Variants in FAM120B observed in about 807,000 individuals in gnomAD.
The protein encoded by FAM120B is family with sequence similarity 120 member B.
A neutral mutation model predicts 96.3 loss-of-function variants in FAM120B; 83 were observed. The ratio of observed to expected loss-of-function variants is 0.86; its 90% CI spans 0.72 to 1.03. FAM120B has a LOEUF of 1.03. FAM120B is among the 50% of genes least tolerant of loss of function. FAM120B has a pLI of 0.00. For synonymous variants in FAM120B, 407 were observed against 402.7 expected (o/e 1.01, Z -0.13); for missense variants, 1,027 against 1,121.2 (o/e 0.92, Z 1.20).
At chr6:170,320,329 G>A (rs545372265) in intron 2 of FAM120B, among the ~76,000 whole-genome samples, 12 of 152,224 alleles carry the variant, frequency 7.9e-5, no homozygotes, top group Middle Eastern at 3.4e-3. Flanking sequence ...ACCAGCATTC[G>A]ATTTTTTTTA....
chr6:170,330,133 G>A (rs1233373749), intron 3 of FAM120B, among the ~76,000 whole-genome samples: 2 of 152,176 alleles, frequency 1.3e-5, no homozygotes, highest in Non-Finnish European at 1.5e-5. Context: ...CTGGAACAGT[G>A]TGAGGGAGGT....
intron 1 of FAM120B, among the ~76,000 whole-genome samples, chr6:170,307,821 G>T (rs770141652): frequency 6.6e-6 from 1 of 152,164 alleles, no homozygotes; most frequent in Admixed American, 6.5e-5. Flanking sequence ...TGGAAACCCC[G>T]AAATGGTAGT....
intron 4 of FAM120B, 32 bp downstream of exon 4, chr6:170,330,582 G>A (rs202007427): frequency 5.4e-6 from 8 of 1,484,884 alleles, no homozygotes; most frequent in East Asian, 4.5e-5. Context: ...ATGAACCACA[G>A]ATCTTTCCAT....
chr6:170,330,999 G>A (rs1188508464), intron 4 of FAM120B, among the ~76,000 whole-genome samples: 1 of 152,252 alleles, frequency 6.6e-6, no homozygotes, highest in African/African-American at 2.4e-5. Flanking sequence ...ATGAGTTCTG[G>A]CACCAGAAAG....
At position 170,318,754 on chromosome 6, in the gene FAM120B, C is replaced by T. The variant is rs137909655; in HGVS notation, c.1364C>T (p.Ser455Phe). 56 of 1,612,942 alleles carry T rather than the reference C, an allele frequency of 3.5e-5. 1 individual carries two copies. The African/African-American group carries it at 7.0e-4, about 20-fold the overall frequency. Residue 455 changes from serine (S) to phenylalanine (F), a missense_variant, in exon 2 of 11, where the codon TCT (serine) becomes TTT (phenylalanine). Ser to Phe is a radical substitution (Grantham distance 155, BLOSUM62 -2). Coordinates refer to ENST00000476287, the MANE Select transcript of FAM120B (RefSeq NM_032448.3). The part of the protein sequence containing the change: ...PRQEVPMYTG[S>F]EPRQEVPMYT... ...CAAGAAGTTCCCATGTATACAGGCT[C>T]TGAACCCAGGCAAGAAGTTCCCATG... is the stretch of plus-strand genomic sequence containing the variant.
intron 5 of FAM120B, among the ~76,000 whole-genome samples, chr6:170,356,029 T>G (rs1336139846): frequency 6.6e-6 from 1 of 152,186 alleles, no homozygotes; most frequent in Non-Finnish European, 1.5e-5. Flanking sequence ...TGATCCTGTG[T>G]GTGGTCACGC....
chr6:170,358,399 T>C, intron 6 of FAM120B, 81 bp downstream of exon 6: 1 of 1,033,314 alleles, frequency 9.7e-7, no homozygotes, highest in Non-Finnish European at 1.5e-6. Context: ...ATAGTTGAAG[T>C]TTCACAGAAA....
intron 4 of FAM120B, among the ~76,000 whole-genome samples, chr6:170,334,992 A>G (rs536026288): frequency 1.3e-5 from 2 of 150,544 alleles, no homozygotes; most frequent in African/African-American, 4.9e-5. Context: ...AATTTTGTTC[A>G]TCTAAAGATT....
intron 1 of FAM120B, chr6:170,298,489 C>A (rs996127375): frequency 6.6e-6 from 1 of 151,388 alleles, no homozygotes; most frequent in Non-Finnish European, 1.5e-5. Context: ...GGATCACCAT[C>A]AAGATTTGTT....
At chr6:170,296,405 C>A (rs2114975219) in intron 1 of FAM120B, among the ~76,000 whole-genome samples, 1 of 152,110 alleles carries the variant, frequency 6.6e-6, no homozygotes, top group East Asian at 1.9e-4. Context: ...AGGGCACAGG[C>A]GGCGCGGCCG....
At chr6:170,313,714 C>T (rs1227786689) in intron 1 of FAM120B, among the ~76,000 whole-genome samples, 1 of 152,210 alleles carries the variant, frequency 6.6e-6, no homozygotes, top group African/African-American at 2.4e-5. Context: ...AGCTTGAGCT[C>T]CTCTAGTGCT....
intron 7 of FAM120B, among the ~76,000 whole-genome samples, chr6:170,389,726 A>T (rs577629145): frequency 6.6e-6 from 1 of 151,922 alleles, no homozygotes; most frequent in East Asian, 1.9e-4. Context: ...TGCCCAGCTA[A>T]TTTTTGTATT....
intron 1 of FAM120B, among the ~76,000 whole-genome samples, chr6:170,315,925 GGAA>G (rs1452813742): frequency 6.9e-6 from 1 of 145,650 alleles, no homozygotes. Context: ...TGTCTCCACT[GGAA>G]AAAAAAAAAA....
chr6:170,396,513 G>C (rs992368041), intron 9 of FAM120B, among the ~76,000 whole-genome samples: 27 of 152,186 alleles, frequency 1.8e-4, no homozygotes, highest in African/African-American at 6.5e-4. Flanking sequence ...CTTTGAGAGA[G>C]CTCCAGGAAT....
chr6:170,386,579 A>G (rs567080066), intron 6 of FAM120B, among the ~76,000 whole-genome samples: 1 of 152,366 alleles, frequency 6.6e-6, no homozygotes, highest in South Asian at 2.1e-4. Context: ...GAATGGTTCC[A>G]TGTCTACTGA....
intron 6 of FAM120B, among the ~76,000 whole-genome samples, chr6:170,366,412 G>A (rs2115228368): frequency 6.6e-6 from 1 of 152,328 alleles, no homozygotes; most frequent in South Asian, 2.1e-4. Flanking sequence ...GCCGGGAAGG[G>A]GAATGGCAAG....
intron 4 of FAM120B, among the ~76,000 whole-genome samples, chr6:170,341,962 A>G (rs1786869239): frequency 6.6e-6 from 1 of 152,168 alleles, no homozygotes; most frequent in African/African-American, 2.4e-5. Context: ...CAGTTCATGG[A>G]TTGATTACGA....
At chr6:170,303,763 T>C (rs1784191644), upstream of FAM120B, among the ~76,000 whole-genome samples, 1 of 152,240 alleles carries the variant, frequency 6.6e-6, no homozygotes, top group South Asian at 2.1e-4. Flanking sequence ...TCAGCAATTA[T>C]CTTGTTATAA....
intron 4 of FAM120B, among the ~76,000 whole-genome samples, chr6:170,333,316 A>G (rs999792477): frequency 3.9e-5 from 6 of 152,110 alleles, no homozygotes; most frequent in Non-Finnish European, 7.3e-5. Context: ...CCAATGTGCC[A>G]TCTGTGAACC....
Sources: gnomAD v4.1 joint callset for allele counts (sites outside exome capture counted in the v4.1 genomes callset) on GRCh38, gnomAD v4.1.1 for gene constraint, MANE v1.5 for transcripts, NCBI Gene and HGNC (gene_info 2026-07-23, HGNC 2026-07-21) for gene names.